GPR158: variants seen among roughly 807,000 people sequenced by gnomAD.
GPR158 encodes metabotropic glycine receptor.
A neutral mutation model predicts 78.2 loss-of-function variants in GPR158; 30 were observed. That is an observed-to-expected ratio of 0.38 (90% CI 0.29 to 0.52). The LOEUF (loss-of-function observed/expected upper bound fraction) is 0.52, where lower values mean the gene tolerates loss of function less well. GPR158 is among the 20% of genes least tolerant of loss of function. The pLI, the probability that GPR158 is intolerant of heterozygous loss-of-function variation, is 0.83. For synonymous variants in GPR158, 581 were observed against 591.1 expected, an observed-to-expected ratio of 0.98 and a Z score of 0.25; for missense variants, 1,463 against 1,523.5, an observed-to-expected ratio of 0.96 and a Z score of 0.66.
At chr10:25,402,831 G>A (rs1484026339) in intron 3 of GPR158, among the ~76,000 whole-genome samples, 1 of 151,704 alleles carries the variant, frequency 6.6e-6, no homozygotes, top group African/African-American at 2.4e-5. Context: ...AGCTTTGGTG[G>A]GTTAATTAGA....
chr10:25,429,121 T>A (rs1834861340), intron 4 of GPR158, among the ~76,000 whole-genome samples: 1 of 152,030 alleles, frequency 6.6e-6, no homozygotes, highest in African/African-American at 2.4e-5. Context: ...ATATATTGAA[T>A]TTACTGGGAG....
intron 1 of GPR158, among the ~76,000 whole-genome samples, chr10:25,189,530 A>C (rs1852740418): frequency 6.6e-6 from 1 of 152,130 alleles, no homozygotes; most frequent in Non-Finnish European, 1.5e-5. Flanking sequence ...GCAAACTATC[A>C]CAAGGATAGA....
rs143432946 is a variant in GPR158, at chr10:25,598,753, T to C, written c.3127T>C (p.Ser1043Pro). The change falls in exon 11 of 11, where the codon TCC becomes CCC. Residue 1043 changes from serine (S) to proline (P), a missense_variant. Transcript: ENST00000376351. The part of the protein sequence containing the change: ...ASEMEKNPTF[S>P]LKEKSHHKPK... ...TGAAATGGAGAAAAACCCCACTTTT[T>C]CCTTAAAGGAGAAATCTCACCACAA... The C allele has an allele frequency of 1.2e-5, 20 of 1,614,058 alleles. No individual in the cohort carries two copies. Among genetic ancestry groups the C allele is most frequent in the Non-Finnish European group, 1.7e-5 (20 of 1,180,008 alleles).
intron 6 of GPR158, among the ~76,000 whole-genome samples, chr10:25,552,298 C>T (rs755035010): frequency 6.6e-6 from 1 of 152,188 alleles, no homozygotes; most frequent in Non-Finnish European, 1.5e-5. Flanking sequence ...TCACAGCACA[C>T]TTCCCTCCGG....
intron 2 of GPR158, among the ~76,000 whole-genome samples, chr10:25,353,487 G>GA (rs35135416): frequency 2.2e-4 from 32 of 148,242 alleles, no homozygotes; most frequent in Non-Finnish European, 4.1e-4. Flanking sequence ...AATAATAAAA[G>GA]AAAAAAAAAA....
chr10:25,414,843 T>C (rs767823072), intron 4 of GPR158, among the ~76,000 whole-genome samples: 20 of 152,164 alleles, frequency 1.3e-4, no homozygotes, highest in Non-Finnish European at 2.4e-4. Context: ...AAAATCCAAT[T>C]GTAATACAGA....
intron 2 of GPR158, among the ~76,000 whole-genome samples, chr10:25,255,445 CTG>C (rs1440089651): frequency 2.0e-5 from 3 of 152,236 alleles, no homozygotes; most frequent in African/African-American, 7.2e-5. Context: ...GATGACCTGA[CTG>C]TGTCCTCTGC....
chr10:25,269,465 T>C (rs909541640), intron 2 of GPR158, among the ~76,000 whole-genome samples: 2 of 152,200 alleles, frequency 1.3e-5, no homozygotes, highest in African/African-American at 2.4e-5. Flanking sequence ...TTTTCAGTTA[T>C]ATCCCTCCCC....
intron 2 of GPR158, among the ~76,000 whole-genome samples, chr10:25,325,378 CCTT>C (rs1253037151): frequency 6.6e-6 from 1 of 151,916 alleles, no homozygotes; most frequent in Non-Finnish European, 1.5e-5. Flanking sequence ...GACAAGGTTT[CCTT>C]CTTTTTTAAG....
At chr10:25,300,687 A>G (rs771990229) in intron 2 of GPR158, among the ~76,000 whole-genome samples, 9 of 152,184 alleles carry the variant, frequency 5.9e-5, no homozygotes, top group Non-Finnish European at 1.0e-4. Context: ...AATTTTAAGT[A>G]TTCCATTAAT....
intron 4 of GPR158, among the ~76,000 whole-genome samples, chr10:25,433,253 C>G (rs1331397424): frequency 2.6e-5 from 4 of 152,136 alleles, no homozygotes; most frequent in South Asian, 2.1e-4. Flanking sequence ...AAGAATAGAC[C>G]CAGTCAACTC....
chr10:25,410,603 G>A (rs920946509), intron 3 of GPR158, among the ~76,000 whole-genome samples: 3 of 152,094 alleles, frequency 2.0e-5, no homozygotes, highest in Non-Finnish European at 4.4e-5. Context: ...GTGACACAGT[G>A]AGACTCCATC....
At chr10:25,552,613 A>G (rs992622028) in intron 6 of GPR158, among the ~76,000 whole-genome samples, 3 of 152,186 alleles carry the variant, frequency 2.0e-5, no homozygotes, top group African/African-American at 7.2e-5. Context: ...AATCCCCAGC[A>G]CTCAGCACAA....
chr10:25,294,288 A>G (rs1854480688), intron 2 of GPR158, among the ~76,000 whole-genome samples: 1 of 152,214 alleles, frequency 6.6e-6, no homozygotes, highest in South Asian at 2.1e-4. Context: ...TAGTGGGAGA[A>G]ACTTTGTGAG....
chr10:25,207,963 A>G (rs1853068379), intron 1 of GPR158, among the ~76,000 whole-genome samples: 1 of 152,192 alleles, frequency 6.6e-6, no homozygotes, highest in African/African-American at 2.4e-5. Flanking sequence ...GCTATCATTA[A>G]CACAATTATG....
At chr10:25,526,654 G>C (rs1262109566) in intron 5 of GPR158, among the ~76,000 whole-genome samples, 4 of 152,196 alleles carry the variant, frequency 2.6e-5, no homozygotes, top group African/African-American at 9.6e-5. Flanking sequence ...GATAAACTTG[G>C]AAAGAGGCTT....
intron 3 of GPR158, among the ~76,000 whole-genome samples, chr10:25,396,955 G>A (rs1834369287): frequency 6.6e-6 from 1 of 152,058 alleles, no homozygotes; most frequent in African/African-American, 2.4e-5. Flanking sequence ...GTCACTCTTA[G>A]TTCCTAAAAG....
rs1057282859 is a variant in GPR158, at chr10:25,580,994, G to A, written c.1754-8013G>A. Among the ~76,000 whole-genome samples the A allele has an allele frequency of 6.2e-5, 9 of 144,562 alleles. 1 individual carries two copies. The highest frequency in any genetic ancestry group is 1.4e-4 in the Admixed American group (2 of 14,332). 94.8% of individuals were successfully genotyped at this position (144,562 alleles called of 152,430 possible). A position where few individuals can be genotyped will look rare whatever the true frequency, so the allele number is the denominator to read the frequency against. ...CTGCGGACTGCAGTGGCGCAATCTC[G>A]GCTCACTGCAAGCTCCGCTTCCCGG... On this transcript the variant is annotated intron_variant, in intron 7 of 10. Coordinates refer to ENST00000376351, the MANE Select transcript of GPR158 (RefSeq NM_020752.3).
chr10:25,564,763 TTG>T (rs1385972995), intron 6 of GPR158, among the ~76,000 whole-genome samples: 3 of 152,180 alleles, frequency 2.0e-5, no homozygotes, highest in African/African-American at 7.2e-5. Context: ...TCAGCTGTTT[TTG>T]TTTTTTCTCT....
Sources: allele counts gnomAD v4.1 joint callset (sites outside exome capture counted in the v4.1 genomes callset), GRCh38; gene constraint gnomAD v4.1.1; transcripts MANE v1.5; gene names NCBI Gene and HGNC (gene_info 2026-07-23, HGNC 2026-07-21).